Variants in ATG10 observed in about 807,000 individuals in gnomAD.
The protein encoded by ATG10 is ubiquitin-like-conjugating enzyme ATG10.
In ATG10, 30 loss-of-function variants were observed where a neutral mutation model predicts 32.1. That is an observed-to-expected ratio of 0.94 (90% CI 0.70 to 1.27). The LOEUF (loss-of-function observed/expected upper bound fraction) is 1.27, where lower values mean the gene tolerates loss of function less well. ATG10 is among the 50% of genes most tolerant of loss of function. The pLI, the probability that ATG10 is intolerant of heterozygous loss-of-function variation, is 0.00. For synonymous variants in ATG10, 87 were observed against 91.5 expected, an observed-to-expected ratio of 0.95 and a Z score of 0.28; for missense variants, 233 against 262.3, an observed-to-expected ratio of 0.89 and a Z score of 0.77.
At position 82,033,725 on chromosome 5, in the gene ATG10, TACAAACAC is replaced by T. The variant is rs1297119441; in HGVS notation, c.109-24766_109-24759del. On this transcript the variant is annotated intron_variant, in intron 2 of 7. Coordinates refer to ENST00000282185, the MANE Select transcript of ATG10 (RefSeq NM_031482.5). ...TTCAGTTACTTGGCTGTAAATACTA[TACAAACAC>T]ACACACACACACACACACACACACA... Among the ~76,000 whole-genome samples the T allele has an allele frequency of 2.0e-3, 206 of 105,280 alleles. 1 individual carries two copies. Among genetic ancestry groups the T allele is most frequent in the Non-Finnish European group, 3.5e-3 (176 of 50,372 alleles). 69.1% of individuals were successfully genotyped at this position (105,280 alleles called of 152,430 possible).
intron 1 of ATG10, among the ~76,000 whole-genome samples, chr5:81,974,971 A>G (rs1389708606): frequency 2.6e-5 from 4 of 152,106 alleles, no homozygotes; most frequent in Non-Finnish European, 1.5e-5. Flanking sequence ...GATTAACTGA[A>G]ATCTAACTAC....
At chr5:82,131,468 T>G (rs1382943074) in intron 3 of ATG10, among the ~76,000 whole-genome samples, 1 of 152,160 alleles carries the variant, frequency 6.6e-6, no homozygotes, top group Non-Finnish European at 1.5e-5. Context: ...CAAGTTTCTC[T>G]TTTCACATGT....
chr5:82,029,980 A>C (rs1037832865), intron 2 of ATG10, among the ~76,000 whole-genome samples: 20 of 152,146 alleles, frequency 1.3e-4, no homozygotes, highest in African/African-American at 3.9e-4. Context: ...GCAGAGTTGG[A>C]TATCAACTCA....
rs138344453 is a variant in ATG10 at position 82,022,889 on chromosome 5, A to G, written c.108+35211A>G. Among the ~76,000 whole-genome samples the G allele has an allele frequency of 2.6e-4, 39 of 152,026 alleles. No individual in the cohort carries two copies. In the East Asian group the frequency reaches 7.1e-3, roughly 28 times the overall value. On this transcript the variant is annotated intron_variant, in intron 2 of 7. Coordinates refer to ENST00000282185, the MANE Select transcript of ATG10 (RefSeq NM_031482.5). The stretch of plus-strand genomic sequence containing the variant: ...AGATTATTGTCTTAACTCCTAACCT[A>G]TAGTTTAATATTTGAATATTCATTA...
intron 3 of ATG10, among the ~76,000 whole-genome samples, chr5:82,066,593 G>A (rs957265489): frequency 2.6e-5 from 4 of 151,950 alleles, no homozygotes; most frequent in Non-Finnish European, 4.4e-5. Flanking sequence ...TGAGGCCCTC[G>A]ACAAAAAACA....
intron 1 of ATG10, among the ~76,000 whole-genome samples, chr5:81,982,556 T>C (rs12108681): frequency 0.19 from 29,161 of 151,382 alleles, 3,169 homozygotes; most frequent in Middle Eastern, 0.28. Context: ...TTTTTTTTTT[T>C]CCCCTTTTAT....
intron 2 of ATG10, among the ~76,000 whole-genome samples, chr5:82,030,803 G>A (rs73134722): frequency 0.18 from 27,490 of 152,104 alleles, 3,023 homozygotes; most frequent in Middle Eastern, 0.28. Flanking sequence ...GAACTTGATA[G>A]CATCTGTAGC....
chr5:82,139,587 G>A (rs1766961045), intron 3 of ATG10, among the ~76,000 whole-genome samples: 1 of 148,262 alleles, frequency 6.7e-6, no homozygotes. Context: ...TCTGAGAAGT[G>A]AGGAGCCTCT....
intron 5 of ATG10, among the ~76,000 whole-genome samples, chr5:82,223,670 A>C (rs1371893875): frequency 6.6e-6 from 1 of 152,200 alleles, no homozygotes; most frequent in African/African-American, 2.4e-5. Context: ...GATTACACAG[A>C]AGAATTAATC....
chr5:82,100,000 GT>G (rs869311526), intron 3 of ATG10, among the ~76,000 whole-genome samples: 104 of 58,954 alleles, frequency 1.8e-3, no homozygotes, highest in African/African-American at 5.7e-3. Flanking sequence ...CTTTTTCTGT[GT>G]TTTTTTTTTT....
chr5:82,085,181 C>T (rs1217687464), intron 3 of ATG10, among the ~76,000 whole-genome samples: 2 of 151,966 alleles, frequency 1.3e-5, no homozygotes, highest in African/African-American at 2.4e-5. Flanking sequence ...GGGTTGCAAT[C>T]CTAGTCTCTG....
intron 5 of ATG10, among the ~76,000 whole-genome samples, chr5:82,190,401 C>T (rs565164168): frequency 1.8e-4 from 27 of 151,818 alleles, no homozygotes; most frequent in African/African-American, 6.3e-4. Flanking sequence ...ACTATGCACC[C>T]TTTTATTTTG....
chr5:82,193,915 T>C (rs1269331779), intron 5 of ATG10, among the ~76,000 whole-genome samples: 1 of 152,182 alleles, frequency 6.6e-6, no homozygotes, highest in Non-Finnish European at 1.5e-5. Flanking sequence ...GGACTTTGCT[T>C]TAGGAGAATT....
intron 3 of ATG10, among the ~76,000 whole-genome samples, chr5:82,137,632 C>T (rs1581728429): frequency 6.6e-6 from 1 of 152,196 alleles, no homozygotes; most frequent in African/African-American, 2.4e-5. Flanking sequence ...CAGAGCTCTC[C>T]TGTATGAGGT....
chr5:82,170,791 A>G (rs1743777022), intron 4 of ATG10, among the ~76,000 whole-genome samples: 1 of 151,076 alleles, frequency 6.6e-6, no homozygotes, highest in Admixed American at 6.6e-5. Context: ...ACTAAAATAC[A>G]AAAAAAAATA....
chr5:82,105,230 A>C (rs1402599476), intron 3 of ATG10, among the ~76,000 whole-genome samples: 3 of 152,132 alleles, frequency 2.0e-5, no homozygotes, highest in Non-Finnish European at 4.4e-5. Flanking sequence ...AATAAACCAC[A>C]TCGTAAATTT....
At chr5:82,008,241 G>C (rs940366844) in intron 2 of ATG10, among the ~76,000 whole-genome samples, 3 of 152,052 alleles carry the variant, frequency 2.0e-5, no homozygotes, top group Non-Finnish European at 4.4e-5. Flanking sequence ...GATGTCACTA[G>C]ATAAAGATTA....
intron 2 of ATG10, among the ~76,000 whole-genome samples, chr5:82,008,455 G>T (rs1762039603): frequency 6.6e-6 from 1 of 151,964 alleles, no homozygotes; most frequent in African/African-American, 2.4e-5. Context: ...CAAATCTTAA[G>T]CAATAATTTC....
At chr5:82,097,516 T>C (rs1195969578) in intron 3 of ATG10, among the ~76,000 whole-genome samples, 1 of 152,204 alleles carries the variant, frequency 6.6e-6, no homozygotes, top group Non-Finnish European at 1.5e-5. Context: ...AAGATAGCCA[T>C]GTTTAAAAAC....
Sources: allele counts gnomAD v4.1 joint callset (sites outside exome capture counted in the v4.1 genomes callset), GRCh38; gene constraint gnomAD v4.1.1; transcripts MANE v1.5; gene names NCBI Gene and HGNC (gene_info 2026-07-23, HGNC 2026-07-21).